The following PDE10A variants were observed in gnomAD, a reference collection of about 807,000 sequenced individuals.
PDE10A encodes the protein phosphodiesterase 10A.
A neutral mutation model predicts 97.7 loss-of-function variants in PDE10A; 39 were observed. The ratio of observed to expected loss-of-function variants is 0.40; its 90% confidence interval spans 0.31 to 0.52. The LOEUF (loss-of-function observed/expected upper bound fraction) is 0.52. PDE10A is among the 20% of genes least tolerant of loss of function. The pLI is 0.56. For missense variants in PDE10A, 731 were observed against 1,047.8 expected, an observed-to-expected ratio of 0.70 and a Z score of 4.17; for synonymous variants, 371 against 376.8, an observed-to-expected ratio of 0.98 and a Z score of 0.18.
intron 1 of PDE10A, among the ~76,000 whole-genome samples, chr6:165,893,916 T>C (rs886453116): frequency 1.3e-5 from 2 of 152,036 alleles, no homozygotes. Context: ...TGGTGCTTAG[T>C]TGACCCATTC....
intron 2 of PDE10A, among the ~76,000 whole-genome samples, chr6:165,506,331 T>C (rs1376952858): frequency 2.0e-5 from 3 of 152,206 alleles, no homozygotes; most frequent in Non-Finnish European, 4.4e-5. Context: ...GATTTCAGTA[T>C]TCTATCTCTG....
At chr6:165,343,648 A>G in intron 18 of PDE10A, 146 bp from the exon 19 acceptor site, 1 of 630,702 alleles carries the variant, frequency 1.6e-6, no homozygotes, top group South Asian at 1.9e-5. Flanking sequence ...GGACAGTAAA[A>G]TGGAATTAAA....
At position 165,832,589 on chromosome 6, in the gene PDE10A, C is replaced by A. The variant is rs190483972; in HGVS notation, c.-615+154940G>T. 8.9e-4 allele frequency among the ~76,000 whole-genome samples: 135 copies of A among 152,342 alleles called. 1 individual carries two copies. In the Middle Eastern group the frequency reaches 0.017, roughly 19 times the overall value. On this transcript the variant is annotated intron_variant, in intron 1 of 19. Transcript: ENST00000366882. Reference sequence around the variant, plus strand: ...CCCAGGAACCCAGCTTCGAGCTCCGCTGCCTTCTCCGTGGCCCTAAACAAC... The same window carrying A: ...CCCAGGAACCCAGCTTCGAGCTCCGATGCCTTCTCCGTGGCCCTAAACAAC...
intron 1 of PDE10A, among the ~76,000 whole-genome samples, chr6:165,545,525 G>A (rs938246683): frequency 4.6e-5 from 7 of 151,888 alleles, no homozygotes; most frequent in African/African-American, 1.7e-4. Context: ...CAAATTACAT[G>A]AGATAAAAGA....
At chr6:165,897,362 A>G (rs999488145) in intron 1 of PDE10A, among the ~76,000 whole-genome samples, 5 of 152,036 alleles carry the variant, frequency 3.3e-5, no homozygotes, top group Non-Finnish European at 7.4e-5. Context: ...ACAGGGAAAA[A>G]GAATTGGGGA....
chr6:165,853,767 C>T (rs762105129), intron 1 of PDE10A, among the ~76,000 whole-genome samples: 1 of 152,232 alleles, frequency 6.6e-6, no homozygotes, highest in Non-Finnish European at 1.5e-5. Flanking sequence ...GATAGCCCTT[C>T]TATAACTTTT....
chr6:165,416,300 A>G lies in PDE10A; in HGVS notation c.1797-19T>C. 6.9e-7 allele frequency: 1 copy of G among 1,458,560 alleles called. No individual in the cohort carries two copies. The highest frequency in any genetic ancestry group is 9.6e-7 in the Non-Finnish European group (1 of 1,037,902). The allele number at this position is 1,458,560 out of a possible 1,614,324, so 90.4% of individuals were successfully genotyped here. A position where few individuals can be genotyped will look rare whatever the true frequency, so the allele number is the denominator to read the frequency against. On this transcript the variant is annotated intron_variant, in intron 11 of 21. Transcript: ENST00000539869. Reference sequence around the variant, plus strand: ...TGAAAATCTGCATATGTAAAAGAGAAGGACATGCTAATTAAAATATGGACT... The same window carrying G: ...TGAAAATCTGCATATGTAAAAGAGAGGGACATGCTAATTAAAATATGGACT...
Position 165,574,614 on chromosome 6 carries a change from T to G in PDE10A, c.866-31046A>C, listed in dbSNP as rs1478655344. ...ATCACACTTGCTACTTGAAAACTAA[T>G]CTTGTCGATGTAATCAACACGTACA... On this transcript the variant is annotated intron_variant, in intron 1 of 21. Transcript: ENST00000539869. Among the ~76,000 whole-genome samples the G allele has an allele frequency of 2.0e-5, 3 of 152,242 alleles. No individual in the cohort carries two copies. The East Asian group carries it at 5.8e-4, about 29-fold the overall frequency.
intron 19 of PDE10A, 60 bp downstream of exon 19, chr6:165,343,331 T>C: frequency 2.6e-6 from 3 of 1,133,514 alleles, no homozygotes; most frequent in South Asian, 2.5e-5. Context: ...TTCTTAGCAA[T>C]TGATCCATAC....
chr6:165,562,177 A>G (rs1335496930), intron 1 of PDE10A, among the ~76,000 whole-genome samples: 1 of 152,212 alleles, frequency 6.6e-6, no homozygotes, highest in African/African-American at 2.4e-5. Flanking sequence ...TACTATATCT[A>G]TGTATTATTT....
chr6:165,933,903 C>A (rs1301267028), intron 1 of PDE10A, among the ~76,000 whole-genome samples: 5 of 152,166 alleles, frequency 3.3e-5, no homozygotes, highest in African/African-American at 1.2e-4. Flanking sequence ...ACAGGCACAG[C>A]ACAGCAAGAG....
intron 9 of PDE10A, among the ~76,000 whole-genome samples, chr6:165,429,664 G>A (rs3799176): frequency 4.8e-4 from 73 of 151,974 alleles, no homozygotes; most frequent in African/African-American, 1.5e-3. Flanking sequence ...ACCACATCCC[G>A]GCGCATATTT....
At chr6:165,486,910 A>G (rs947277829) in intron 2 of PDE10A, among the ~76,000 whole-genome samples, 65 of 152,340 alleles carry the variant, frequency 4.3e-4, no homozygotes, top group African/African-American at 1.5e-3. Flanking sequence ...TGACGAGTGA[A>G]CACTGGGATT....
In PDE10A at chr6:165,327,316, TCA is replaced by T. The variant is rs1298030885; in HGVS notation, c.*5707_*5708del. The T allele has an allele frequency of 6.6e-6, 1 of 152,230 alleles. No individual in the cohort carries two copies. Among genetic ancestry groups the T allele is most frequent in the Admixed American group, 6.5e-5 (1 of 15,278 alleles). 9.4% of individuals were successfully genotyped at this position (152,230 alleles called of 1,614,324 possible). A position where few individuals can be genotyped will look rare whatever the true frequency, so the allele number is the denominator to read the frequency against. ...TTTTAAAAACTCTGTATTCAATTAT[TCA>T]CACCAAAGGATATCCATTAAAATTA... On this transcript the variant is annotated 3_prime_UTR_variant, in exon 22 of 22. Transcript: ENST00000539869.
chr6:165,605,777 A>G (rs924823936), intron 1 of PDE10A, among the ~76,000 whole-genome samples: 2 of 151,842 alleles, frequency 1.3e-5, no homozygotes, highest in Non-Finnish European at 2.9e-5. Flanking sequence ...AAAAGTTACA[A>G]ATGTCCCCAT....
chr6:165,810,226 G>C (rs1009307391), intron 1 of PDE10A, among the ~76,000 whole-genome samples: 8 of 152,198 alleles, frequency 5.3e-5, no homozygotes, highest in African/African-American at 1.9e-4. Flanking sequence ...CCCTTGGTCT[G>C]CCCTTGCTGT....
rs572232982 is a variant in PDE10A at position 165,572,487 on chromosome 6, C to T, written c.866-28919G>A. On this transcript the variant is annotated intron_variant, in intron 1 of 21. Coordinates refer to ENST00000539869, the MANE Select transcript of PDE10A (RefSeq NM_001385079.1). ...ACATTCATCAAAAGATACAATATGA[C>T]ATTGTTATAAAGTGGTTTCTGTAAA... Among the ~76,000 whole-genome samples, 10 of 152,306 alleles carry T rather than the reference C, an allele frequency of 6.6e-5. No homozygotes were observed. In the South Asian group the frequency reaches 1.7e-3, roughly 25 times the overall value.
intron 1 of PDE10A, among the ~76,000 whole-genome samples, chr6:165,907,042 G>A (rs1418826139): frequency 6.6e-6 from 1 of 152,198 alleles, no homozygotes; most frequent in Non-Finnish European, 1.5e-5. Flanking sequence ...TACGGGCCAG[G>A]CAATCACAGA....
At chr6:165,875,434 C>T (rs1165279026) in intron 1 of PDE10A, among the ~76,000 whole-genome samples, 4 of 152,182 alleles carry the variant, frequency 2.6e-5, no homozygotes, top group East Asian at 1.9e-4. Context: ...CCCAGCTTTA[C>T]GCAGGGGCAT....
Sources: allele counts gnomAD v4.1 joint callset (sites outside exome capture counted in the v4.1 genomes callset), GRCh38; gene constraint gnomAD v4.1.1; transcripts MANE v1.5; gene names NCBI Gene and HGNC (gene_info 2026-07-23, HGNC 2026-07-21).